The following KHDRBS2 variants were observed in gnomAD, a reference collection of about 807,000 sequenced individuals.
The protein encoded by KHDRBS2 is KH RNA binding domain containing, signal transduction associated 2.
Under a neutral mutation model 44.3 loss-of-function variants are expected in KHDRBS2, and 26 were observed. That is an observed-to-expected ratio of 0.59 (90% CI 0.43 to 0.81). The LOEUF (loss-of-function observed/expected upper bound fraction) is 0.81. Ranked by LOEUF, KHDRBS2 falls within the 40% of genes least tolerant of loss-of-function variation. The pLI is 0.00. For synonymous variants in KHDRBS2, 194 were observed against 151.1 expected, an observed-to-expected ratio of 1.28 and a Z score of -2.08; for missense variants, 476 against 433.1, an observed-to-expected ratio of 1.10 and a Z score of -0.88.
intron 4 of KHDRBS2, among the ~76,000 whole-genome samples, chr6:61,955,010 ATG>A (rs1376215833): frequency 7.0e-6 from 1 of 142,690 alleles, no homozygotes; most frequent in Admixed American, 6.9e-5. Context: ...ATACATATGT[ATG>A]TATACACACA....
chr6:61,560,174 C>T, the KHDRBS2 span, among the ~76,000 whole-genome samples: 1 of 152,140 alleles, frequency 6.6e-6, no homozygotes, highest in East Asian at 1.9e-4. Flanking sequence ...TGCTGTTAGA[C>T]ATATTGGAGC....
intron 2 of KHDRBS2, among the ~76,000 whole-genome samples, chr6:62,138,586 T>C (rs1027591711): frequency 6.6e-6 from 1 of 152,172 alleles, no homozygotes; most frequent in African/African-American, 2.4e-5. Context: ...TTTCACTTAA[T>C]CCTAAAATAG....
chr6:61,827,594 G>T (rs767884952), intron 6 of KHDRBS2, among the ~76,000 whole-genome samples: 1 of 151,866 alleles, frequency 6.6e-6, no homozygotes, highest in African/African-American at 2.4e-5. Context: ...TTGTCCACTC[G>T]GGTTGCCTTA....
chr6:61,958,097 A>C (rs2127391495), intron 4 of KHDRBS2, among the ~76,000 whole-genome samples: 1 of 152,240 alleles, frequency 6.6e-6, no homozygotes, highest in African/African-American at 2.4e-5. Flanking sequence ...CCTAGTCTCT[A>C]ATCCAGCAAC....
At chr6:62,064,794 A>C (rs1489467329) in intron 2 of KHDRBS2, among the ~76,000 whole-genome samples, 1 of 152,020 alleles carries the variant, frequency 6.6e-6, no homozygotes, top group Admixed American at 6.6e-5. Context: ...ATCTAATTAA[A>C]CTAAACAGCT....
At chr6:62,120,718 G>T (rs1584820539) in intron 2 of KHDRBS2, among the ~76,000 whole-genome samples, 1 of 152,176 alleles carries the variant, frequency 6.6e-6, no homozygotes, top group South Asian at 2.1e-4. Flanking sequence ...GTGGACAAAT[G>T]AATAATTTAA....
At chr6:61,558,590 A>T in the KHDRBS2 span, among the ~76,000 whole-genome samples, 2 of 152,204 alleles carry the variant, frequency 1.3e-5, no homozygotes, top group Admixed American at 6.5e-5. Flanking sequence ...TTTTTGCTAT[A>T]TCTCATAGGT....
rs549080807 is a variant in KHDRBS2 at position 62,066,218 on chromosome 6, A to G, written c.220-18224T>C. On this transcript the variant is annotated intron_variant, in intron 2 of 8. Coordinates refer to ENST00000281156, the MANE Select transcript of KHDRBS2 (RefSeq NM_152688.4). ...GCTCAAAAGCAAACCCTATTTTTTC[A>G]GCCTATTCAATTGTCTGAATAAAAA... Among the ~76,000 whole-genome samples the G allele has an allele frequency of 2.0e-3, 302 of 151,832 alleles. 2 individuals carry two copies. The highest frequency in any genetic ancestry group is 3.7e-3 in the Non-Finnish European group (252 of 67,794).
chr6:62,048,210 T>C (rs1193905515), intron 2 of KHDRBS2, among the ~76,000 whole-genome samples: 4 of 151,438 alleles, frequency 2.6e-5, no homozygotes, highest in African/African-American at 9.7e-5. Flanking sequence ...AAAAGCTATA[T>C]CTCTTCTTAA....
chr6:61,760,928 A>G (rs898969706), intron 6 of KHDRBS2, among the ~76,000 whole-genome samples: 2 of 152,202 alleles, frequency 1.3e-5, no homozygotes, highest in African/African-American at 4.8e-5. Context: ...TGAGAGGAAA[A>G]GATTACTGCT....
At chr6:61,754,754 AG>A (rs1241805006) in intron 6 of KHDRBS2, among the ~76,000 whole-genome samples, 1 of 152,160 alleles carries the variant, frequency 6.6e-6, no homozygotes, top group African/African-American at 2.4e-5. Flanking sequence ...AATGAAAAAA[AG>A]ATAGGAGTGC....
chr6:62,054,017 C>T (rs753401798), intron 2 of KHDRBS2, among the ~76,000 whole-genome samples: 1 of 151,946 alleles, frequency 6.6e-6, no homozygotes, highest in Non-Finnish European at 1.5e-5. Context: ...CAAACCTTTA[C>T]AGAACATGTA....
intron 6 of KHDRBS2, among the ~76,000 whole-genome samples, chr6:61,884,968 AT>A (rs1450098691): frequency 1.3e-5 from 2 of 152,252 alleles, no homozygotes; most frequent in East Asian, 3.9e-4. Context: ...TAAGAAAAAG[AT>A]TTAAAAAATT....
chr6:62,173,882 T>C (rs1246226362), intron 2 of KHDRBS2, among the ~76,000 whole-genome samples: 2 of 151,900 alleles, frequency 1.3e-5, no homozygotes, highest in Admixed American at 6.6e-5. Context: ...TTAAAAACCC[T>C]GAACAGACTA....
the KHDRBS2 span, among the ~76,000 whole-genome samples, chr6:61,607,520 C>CA: frequency 6.5e-3 from 266 of 41,066 alleles, 23 homozygotes; most frequent in African/African-American, 0.015. Context: ...GAGTTCCAAG[C>CA]AAAAAAAAAA....
chr6:61,589,085 G>A, the KHDRBS2 span, among the ~76,000 whole-genome samples: 23 of 152,050 alleles, frequency 1.5e-4, no homozygotes, highest in Middle Eastern at 0.01. Flanking sequence ...GGGTAGGGGG[G>A]CAAAGGGAAG....
At chr6:61,750,671 C>CA (rs1582597110) in intron 6 of KHDRBS2, among the ~76,000 whole-genome samples, 1 of 151,568 alleles carries the variant, frequency 6.6e-6, no homozygotes, top group Non-Finnish European at 1.5e-5. Flanking sequence ...ATCTTGTTTT[C>CA]AACTTTCTTT....
intron 4 of KHDRBS2, among the ~76,000 whole-genome samples, chr6:61,957,213 A>G (rs951715814): frequency 6.6e-6 from 1 of 152,102 alleles, no homozygotes; most frequent in Non-Finnish European, 1.5e-5. Flanking sequence ...AGGAGGATGT[A>G]TGTCACCTCA....
chr6:62,196,830 G>A (rs1364991952), intron 1 of KHDRBS2, among the ~76,000 whole-genome samples: 1 of 151,982 alleles, frequency 6.6e-6, no homozygotes, highest in Non-Finnish European at 1.5e-5. Flanking sequence ...GGGGATGCTG[G>A]CTCGACATGC....
Sources: gnomAD v4.1 joint callset for allele counts (sites outside exome capture counted in the v4.1 genomes callset) on GRCh38, gnomAD v4.1.1 for gene constraint, MANE v1.5 for transcripts, NCBI Gene and HGNC (gene_info 2026-07-23, HGNC 2026-07-21) for gene names.